The following MORC4 variants were observed in gnomAD, a reference collection of about 807,000 sequenced individuals.
MORC4 encodes the protein MORC family CW-type zinc finger protein 4.
A neutral mutation model predicts 65.5 loss-of-function variants in MORC4; 22 were observed. That is an observed-to-expected ratio of 0.34 (90% CI 0.24 to 0.48). The LOEUF is 0.48. MORC4 is among the 20% of genes least tolerant of loss of function. The pLI, the probability that MORC4 is intolerant of heterozygous loss-of-function variation, is 0.99. For missense variants in MORC4, 624 were observed against 703.0 expected (o/e 0.89, Z 1.27); for synonymous variants, 267 against 255.8 (o/e 1.04, Z -0.42).
At chrX:106,985,758 G>C (rs1934857402) in intron 4 of MORC4, among the ~76,000 whole-genome samples, 1 of 110,930 alleles carries the variant, frequency 9.0e-6, no homozygotes, top group South Asian at 3.8e-4. Flanking sequence ...AGATCAAACT[G>C]CCTAACAATG....
chrX:106,942,726 C>A lies in MORC4; in HGVS notation c.2165G>T (p.Arg722Leu). 8.3e-7 allele frequency: 1 copy of A among 1,211,322 alleles called. No individual in the cohort carries two copies. The highest frequency in any genetic ancestry group is 1.1e-6 in the Non-Finnish European group (1 of 895,347). The change falls in exon 15 of 17, where the codon CGA becomes CTA. Residue 722 changes from arginine (R) to leucine (L), a missense_variant. Physicochemically the swap from Arg to Leu is moderately radical, Grantham distance 102. Transcript: ENST00000355610. ...TGGGTTCCAGGATTCAACTGCTTTT[C>A]GTCTCTCAGCAAGCTCCTCTCTGTT... ...PFNREELAER[R>L]KAVESWNPVP...
intron 9 of MORC4, among the ~76,000 whole-genome samples, chrX:106,969,499 GAC>G (rs1266098485): frequency 9.0e-6 from 1 of 111,608 alleles, no homozygotes; most frequent in Non-Finnish European, 1.9e-5. Context: ...AGGAGATAGA[GAC>G]ACAAAAATCC....
At chrX:106,949,149 A>C (rs1022577330) in intron 14 of MORC4, among the ~76,000 whole-genome samples, 2 of 111,064 alleles carry the variant, frequency 1.8e-5, no homozygotes, top group Non-Finnish European at 1.9e-5. Flanking sequence ...AAGTTTTTTT[A>C]TTCTTTATTC....
chrX:106,978,641 CAT>C (rs1491338624), intron 7 of MORC4, among the ~76,000 whole-genome samples: 11 of 110,299 alleles, frequency 1.0e-4, no homozygotes, highest in Admixed American at 1.9e-4. Flanking sequence ...CACACACACA[CAT>C]GCATAGAAAG....
At chrX:106,955,294 C>A (rs763556484) in intron 13 of MORC4, among the ~76,000 whole-genome samples, 1 of 110,988 alleles carries the variant, frequency 9.0e-6, no homozygotes, top group Non-Finnish European at 1.9e-5. Flanking sequence ...GGACACCAAA[C>A]AGACCTCCCC....
chrX:106,961,700 G>A (rs1020687348), intron 10 of MORC4, among the ~76,000 whole-genome samples: 6 of 111,766 alleles, frequency 5.4e-5, no homozygotes, highest in South Asian at 3.8e-4. Flanking sequence ...AATGGAACAC[G>A]GGAGGGAACA....
chrX:106,957,015 G>A lies in MORC4; in HGVS notation c.1386-11C>T, dbSNP rs1405520323. 3.7e-5 allele frequency: 43 copies of A among 1,147,623 alleles called. No individual in the cohort carries two copies. Among genetic ancestry groups the A allele is most frequent in the Non-Finnish European group, 4.8e-5 (41 of 845,492 alleles). The allele number at this position is 1,147,623 out of a possible 1,213,427, so 94.6% of individuals were successfully genotyped here. A position where few individuals can be genotyped will look rare whatever the true frequency, so the allele number is the denominator to read the frequency against. On this transcript the variant is annotated splice_polypyrimidine_tract_variant and intron_variant, in intron 11 of 16. Coordinates refer to ENST00000355610, the MANE Select transcript of MORC4 (RefSeq NM_024657.5). ...GGAACAGAGCATCTCCTGCAGTACA[G>A]AGAATAAATCATCCTTTGGAAAAAA...
At chrX:106,993,840 A>C (rs1025699331) in intron 2 of MORC4, among the ~76,000 whole-genome samples, 1 of 112,170 alleles carries the variant, frequency 8.9e-6, no homozygotes, top group Admixed American at 9.4e-5. Flanking sequence ...CTTCTTTCTT[A>C]CATCACCTCC....
intron 9 of MORC4, among the ~76,000 whole-genome samples, chrX:106,968,705 T>C (rs1475846864): frequency 9.7e-6 from 1 of 103,052 alleles, no homozygotes; most frequent in Non-Finnish European, 2.0e-5. Flanking sequence ...AAACAGACCT[T>C]AAACCAACAA....
intron 14 of MORC4, among the ~76,000 whole-genome samples, chrX:106,950,260 G>A (rs1006303758): frequency 2.7e-5 from 3 of 111,918 alleles, no homozygotes; most frequent in Admixed American, 9.4e-5. Flanking sequence ...AACTTGTCAT[G>A]GAGTTATAAT....
chrX:106,989,809 G>A (rs1225283580), intron 3 of MORC4, among the ~76,000 whole-genome samples: 1 of 103,619 alleles, frequency 9.7e-6, no homozygotes. Flanking sequence ...GGAGGTTGCA[G>A]TGAGCCAAGA....
intron 5 of MORC4, among the ~76,000 whole-genome samples, chrX:106,984,030 C>T (rs1934804703): frequency 8.9e-6 from 1 of 111,780 alleles, no homozygotes; most frequent in Admixed American, 9.5e-5. Context: ...GGCACGGTGG[C>T]TCATGCCAGT....
At chrX:106,949,407 C>T (rs1933921397) in intron 14 of MORC4, among the ~76,000 whole-genome samples, 1 of 112,197 alleles carries the variant, frequency 8.9e-6, no homozygotes, top group Admixed American at 9.5e-5. Flanking sequence ...TGCTGTTCCT[C>T]CCCACCCTCT....
chrX:106,980,881 G>T lies in MORC4; in HGVS notation c.936+10C>A. The stretch of plus-strand genomic sequence containing the variant: ...GTCAACTTCATGTAGTGGTACACTT[G>T]TAAGGATACTGTGAAGGTAGGTTTA... On this transcript the variant is annotated intron_variant, in intron 7 of 16. Coordinates refer to ENST00000355610, the MANE Select transcript of MORC4 (RefSeq NM_024657.5). 1.7e-6 allele frequency: 2 copies of T among 1,202,675 alleles called. No individual in the cohort carries two copies. The highest frequency in any genetic ancestry group is 2.3e-6 in the Non-Finnish European group (2 of 887,762).
intron 11 of MORC4, among the ~76,000 whole-genome samples, chrX:106,957,235 C>T (rs753960108): frequency 3.4e-4 from 38 of 111,570 alleles, no homozygotes; most frequent in African/African-American, 1.2e-3. Flanking sequence ...ATCCTAGAAA[C>T]AAACAAAATT....
chrX:106,942,029 T>C lies in MORC4; in HGVS notation c.2569A>G (p.Lys857Glu). 8.3e-7 allele frequency: 1 copy of C among 1,211,653 alleles called. No individual in the cohort carries two copies. The highest frequency in any genetic ancestry group is 1.1e-6 in the Non-Finnish European group (1 of 895,424). The change falls in exon 16 of 17, where the codon AAA (lysine) becomes GAA (glutamate). Residue 857 changes from lysine to glutamate, a missense_variant. Lys to Glu is a moderately conservative substitution (Grantham distance 56). Transcript: ENST00000355610. ...GTCTCTGTTTCCTTCAGTTTCTCTTTTAACTCTTGCTTTTCCTCTTTGGTT... is the reference window on the plus strand; with the variant it reads ...GTCTCTGTTTCCTTCAGTTTCTCTTCTAACTCTTGCTTTTCCTCTTTGGTT... Reference protein sequence around the residue: ...ERTKEEKQELKEKLKETETHL... With the variant: ...ERTKEEKQELEEKLKETETHL...
rs1178483250 is a variant in MORC4, at chrX:106,978,606, TCA to T, written c.937-409_937-408del. On this transcript the variant is annotated intron_variant, in intron 7 of 16. Transcript: ENST00000355610. ...AGGAAACGCTCAGATTATAAAAACA[TCA>T]CACACACACACGCACACACACACAC... Among the ~76,000 whole-genome samples the T allele has an allele frequency of 2.8e-5, 3 of 107,331 alleles. No homozygotes were observed. The East Asian group carries it at 8.6e-4, about 31-fold the overall frequency. The allele number at this position is 107,331 out of a possible 115,157, so 93.2% of individuals were successfully genotyped here.
intron 9 of MORC4, among the ~76,000 whole-genome samples, chrX:106,965,747 G>C (rs1477381817): frequency 3.6e-5 from 4 of 112,265 alleles, no homozygotes; most frequent in Non-Finnish European, 5.6e-5. Flanking sequence ...TGAGGGCTCA[G>C]AAAGAAGTGA....
rs1358097824 is a variant in MORC4, at chrX:106,942,187, T to C, written c.2411A>G (p.Gln804Arg). The stretch of plus-strand genomic sequence containing the variant: ...ATGTTGGACTTTCTTGAATTCAGAC[T>C]GCCAGTGATTCCTCTCCTGTTCCAG... ...EELEQERNHW[Q>R]SEFKKVQHEL... Residue 804 changes from glutamine to arginine, a missense_variant, in exon 16 of 17, where the codon CAG (glutamine) becomes CGG (arginine). By Grantham distance (43) the Gln-to-Arg change is conservative. Coordinates refer to ENST00000355610, the MANE Select transcript of MORC4 (RefSeq NM_024657.5). 2.5e-6 allele frequency: 3 copies of C among 1,209,772 alleles called. No individual in the cohort carries two copies. The African/African-American group carries it at 5.2e-5, about 21-fold the overall frequency.
Sources: gnomAD v4.1 joint callset for allele counts (sites outside exome capture counted in the v4.1 genomes callset) on GRCh38, gnomAD v4.1.1 for gene constraint, MANE v1.5 for transcripts, NCBI Gene and HGNC (gene_info 2026-07-23, HGNC 2026-07-21) for gene names.